The following GPR89B variants were observed in gnomAD, a reference collection of about 807,000 sequenced individuals.
GPR89B encodes the protein G protein-coupled receptor 89B.
In GPR89B, 25 loss-of-function variants were observed where a neutral mutation model predicts 52.4. The ratio of observed to expected loss-of-function variants is 0.48; its 90% CI spans 0.35 to 0.67. GPR89B has a LOEUF of 0.67. Among genes scored for constraint, GPR89B ranks in the 30% least tolerant of loss-of-function variants. The pLI is 0.01. For synonymous variants in GPR89B, 52 were observed against 151.2 expected (o/e 0.34, Z 4.81); for missense variants, 146 against 450.2 (o/e 0.32, Z 6.11).
At chr1:148,006,056 G>A in the GPR89B span, among the ~76,000 whole-genome samples, 2 of 152,106 alleles carry the variant, frequency 1.3e-5, no homozygotes, top group Non-Finnish European at 2.9e-5. Flanking sequence ...GAGCTAACTC[G>A]GCCTTTGGCT....
the GPR89B span, among the ~76,000 whole-genome samples, chr1:148,017,199 A>C: frequency 6.6e-6 from 1 of 151,398 alleles, no homozygotes; most frequent in Non-Finnish European, 1.5e-5. Flanking sequence ...GTGCCAGGAC[A>C]CCCAGGTAAT....
chr1:148,006,295 TCTCTC>T, the GPR89B span, among the ~76,000 whole-genome samples: 291 of 151,690 alleles, frequency 1.9e-3, 2 homozygotes, highest in African/African-American at 6.8e-3. Flanking sequence ...TCTTTACCAT[TCTCTC>T]CTCTTCAGTT....
At chr1:147,977,247 A>C (rs1657906117) in intron 10 of GPR89B, among the ~76,000 whole-genome samples, 1 of 150,856 alleles carries the variant, frequency 6.6e-6, no homozygotes, top group Non-Finnish European at 1.5e-5. Context: ...AAAAAAAAAA[A>C]AAAAAAAAAA....
the GPR89B span, chr1:148,009,507 C>G: frequency 6.3e-7 from 1 of 1,587,890 alleles, no homozygotes; most frequent in Non-Finnish European, 8.6e-7. Flanking sequence ...CAAGTCCACC[C>G]GTGTTTTCAC....
At chr1:147,989,976 C>T (rs1297743021) in intron 12 of GPR89B, among the ~76,000 whole-genome samples, 1 of 152,182 alleles carries the variant, frequency 6.6e-6, no homozygotes, top group Admixed American at 6.5e-5. Context: ...TGGGTATATA[C>T]CCAGTAATGG....
Position 147,980,813 on chromosome 1 carries a change from C to T in GPR89B, c.910-5386C>T, listed in dbSNP as rs1246616290. 4.5e-5 allele frequency among the ~76,000 whole-genome samples: 5 copies of T among 111,902 alleles called. No individual in the cohort carries two copies. The South Asian group carries it at 9.0e-4, about 20-fold the overall frequency. 73.4% of individuals were successfully genotyped at this position (111,902 alleles called of 152,430 possible). Reference sequence around the variant, plus strand: ...CAGCCTGGGCGACAGAGCGAGACTCCGTCTCAAAAAAAAAAAAAAAAAAAA... The same window carrying T: ...CAGCCTGGGCGACAGAGCGAGACTCTGTCTCAAAAAAAAAAAAAAAAAAAA... On this transcript the variant is annotated intron_variant, in intron 10 of 13. Coordinates refer to ENST00000314163, the MANE Select transcript of GPR89B (RefSeq NM_016334.5).
chr1:147,986,641 C>T (rs1299466315), intron 11 of GPR89B, among the ~76,000 whole-genome samples: 3 of 152,160 alleles, frequency 2.0e-5, no homozygotes, highest in Non-Finnish European at 4.4e-5. Context: ...ATACTTCTCT[C>T]TGTGATTCTT....
At chr1:148,000,822 C>G in the GPR89B span, among the ~76,000 whole-genome samples, 7 of 143,328 alleles carry the variant, frequency 4.9e-5, 1 homozygote, top group African/African-American at 1.8e-4. Flanking sequence ...TTAAAACATG[C>G]AGTAGTGGGT....
chr1:147,933,293 C>T (rs1462642801), intron 1 of GPR89B, among the ~76,000 whole-genome samples: 1 of 151,922 alleles, frequency 6.6e-6, no homozygotes, highest in Non-Finnish European at 1.5e-5. Context: ...TGCTTTAGCT[C>T]CCATTCATTC....
intron 10 of GPR89B, among the ~76,000 whole-genome samples, chr1:147,985,792 C>G (rs1304273009): frequency 6.6e-6 from 1 of 151,996 alleles, no homozygotes; most frequent in Non-Finnish European, 1.5e-5. Flanking sequence ...CGTTTGTTGA[C>G]TTATTAGCTA....
At chr1:147,995,688 A>G, downstream of GPR89B, 3 of 1,608,732 alleles carry the variant, frequency 1.9e-6, no homozygotes, top group South Asian at 3.3e-5. Flanking sequence ...GCCAGGGAGG[A>G]AACAATAGGG....
At chr1:147,949,896 CCGGA>C (rs1655445380) in intron 5 of GPR89B, among the ~76,000 whole-genome samples, 1 of 133,222 alleles carries the variant, frequency 7.5e-6, no homozygotes, top group Non-Finnish European at 1.6e-5. Flanking sequence ...CCCTCACCTC[CCGGA>C]CGGGGCGGCT....
At chr1:147,950,192 G>A (rs1400598431) in intron 5 of GPR89B, among the ~76,000 whole-genome samples, 1 of 150,656 alleles carries the variant, frequency 6.6e-6, no homozygotes, top group Non-Finnish European at 1.5e-5. Context: ...CGGTTGCCAG[G>A]CGGAGGGTCT....
the GPR89B span, among the ~76,000 whole-genome samples, chr1:148,008,630 C>T: frequency 6.6e-6 from 1 of 152,140 alleles, no homozygotes; most frequent in South Asian, 2.1e-4. Flanking sequence ...AACCAATACC[C>T]CAGAGCCACG....
At chr1:147,942,522 G>A (rs587760254) in intron 3 of GPR89B, among the ~76,000 whole-genome samples, 7 of 152,144 alleles carry the variant, frequency 4.6e-5, no homozygotes, top group South Asian at 2.1e-4. Flanking sequence ...CATTCCTAGC[G>A]TCTCTATTTA....
intron 5 of GPR89B, among the ~76,000 whole-genome samples, chr1:147,950,581 C>T (rs28422894): frequency 0.15 from 23,235 of 152,106 alleles, 2,035 homozygotes; most frequent in East Asian, 0.38. Flanking sequence ...CCAAGGCAGG[C>T]GGCTGGGAGG....
At chr1:148,021,025 T>C in the GPR89B span, among the ~76,000 whole-genome samples, 1 of 151,758 alleles carries the variant, frequency 6.6e-6, no homozygotes, top group Non-Finnish European at 1.5e-5. Flanking sequence ...GAGACTGTCT[T>C]TGAAGCAGCC....
chr1:147,983,519 C>T (rs1447184217), intron 10 of GPR89B, among the ~76,000 whole-genome samples: 3 of 152,156 alleles, frequency 2.0e-5, no homozygotes, highest in African/African-American at 7.2e-5. Flanking sequence ...TGGCGAAGGA[C>T]ATGAACAGAC....
intron 1 of GPR89B, among the ~76,000 whole-genome samples, chr1:147,932,585 C>T (rs587734853): frequency 6.6e-6 from 1 of 152,292 alleles, no homozygotes; most frequent in East Asian, 1.9e-4. Context: ...ACTCACCTCT[C>T]TTACTCTTAG....
Sources: allele counts gnomAD v4.1 joint callset (sites outside exome capture counted in the v4.1 genomes callset), GRCh38; gene constraint gnomAD v4.1.1; transcripts MANE v1.5; gene names NCBI Gene and HGNC (gene_info 2026-07-23, HGNC 2026-07-21).